Variants in GVQW3 observed in about 807,000 individuals in gnomAD.
GVQW3 encodes the protein GVQW motif containing 3, also known as protein GVQW3.
GVQW3 carries 7 observed loss-of-function variants against 12.5 expected under a neutral mutation model. The observed-to-expected ratio is 0.56, with a 90% CI of 0.32 to 1.05. The LOEUF (loss-of-function observed/expected upper bound fraction) is 1.05, where lower values mean the gene tolerates loss of function less well. Ranked by LOEUF, GVQW3 falls within the 50% of genes least tolerant of loss-of-function variation. The pLI, the probability that GVQW3 is intolerant of heterozygous loss-of-function variation, is 0.04. For synonymous variants in GVQW3, 71 were observed against 67.2 expected (o/e 1.06, Z -0.28); for missense variants, 188 against 190.8 (o/e 0.99, Z 0.09).
downstream of GVQW3, chr11:76,408,385 A>C (rs900095875): frequency 1.3e-5 from 2 of 152,174 alleles, no homozygotes; most frequent in South Asian, 4.1e-4. Flanking sequence ...AGCACTATCT[A>C]AGTGTAAGTT....
At chr11:76,391,419 G>A (rs1369585892) in intron 1 of GVQW3, among the ~76,000 whole-genome samples, 1 of 152,192 alleles carries the variant, frequency 6.6e-6, no homozygotes, top group Non-Finnish European at 1.5e-5. Flanking sequence ...GCCAAATGCT[G>A]GAGCACTGAG....
At chr11:76,408,294 T>C (rs557376462), downstream of GVQW3, among the ~76,000 whole-genome samples, 1 of 151,614 alleles carries the variant, frequency 6.6e-6, no homozygotes, top group African/African-American at 2.4e-5. Context: ...CCTGGGAGAG[T>C]TGAAGGTTAG....
chr11:76,385,880 C>T (rs893373090), intron 1 of GVQW3, among the ~76,000 whole-genome samples: 3 of 152,162 alleles, frequency 2.0e-5, no homozygotes, highest in African/African-American at 7.2e-5. Context: ...AATATGGTTA[C>T]CTCTAGTAGC....
At position 76,406,918 on chromosome 11, in the gene GVQW3, G is replaced by C. The variant is rs891945894; in HGVS notation, c.*3160G>C. On this transcript the variant is annotated 3_prime_UTR_variant, in exon 2 of 2. Transcript: ENST00000529331. The stretch of plus-strand genomic sequence containing the variant: ...AGCTATTTGGGAGGCTGAGGCAGGA[G>C]AATGGCAAGAACCTGGGAGGCGGAG... 2 of 152,252 alleles carry C rather than the reference G, an allele frequency of 1.3e-5. No individual in the cohort carries two copies. Among genetic ancestry groups the C allele is most frequent in the African/African-American group, 4.8e-5 (2 of 41,432 alleles). The allele number at this position is 152,252 out of a possible 1,614,324, so 9.4% of individuals were successfully genotyped here.
At chr11:76,410,445 T>A (rs1188293594), downstream of GVQW3, among the ~76,000 whole-genome samples, 1 of 151,926 alleles carries the variant, frequency 6.6e-6, no homozygotes, top group Non-Finnish European at 1.5e-5. Flanking sequence ...TTTTTTTTTT[T>A]ACTTCATTCT....
At chr11:76,402,400 A>T (rs1235822028) in intron 1 of GVQW3, among the ~76,000 whole-genome samples, 2 of 152,026 alleles carry the variant, frequency 1.3e-5, no homozygotes, top group Non-Finnish European at 2.9e-5. Context: ...TAAAAATACA[A>T]AAATTAGCTG....
intron 1 of GVQW3, chr11:76,382,695 G>A (rs930824650): frequency 8.6e-6 from 4 of 465,574 alleles, no homozygotes; most frequent in Non-Finnish European, 1.5e-5. Context: ...TGCTCAACAA[G>A]TTTGGATTTC....
At position 76,388,887 on chromosome 11, in the gene GVQW3, A is replaced by G. The variant is rs1051856945; in HGVS notation, c.465+6594A>G. On this transcript the variant is annotated intron_variant, in intron 1 of 1. Coordinates refer to ENST00000529331, the MANE Select transcript of GVQW3 (RefSeq NM_001347885.2). ...TAGACAGATCTATATTGGCAGAAAA[A>G]CACACTGGCAATGTTAGAAGTGTAG... 2.6e-5 allele frequency among the ~76,000 whole-genome samples: 4 copies of G among 152,282 alleles called. 1 individual carries two copies. The highest frequency in any genetic ancestry group is 2.6e-4 in the Admixed American group (4 of 15,282).
At chr11:76,386,335 T>A (rs941469538) in intron 1 of GVQW3, among the ~76,000 whole-genome samples, 1 of 152,118 alleles carries the variant, frequency 6.6e-6, no homozygotes, top group Non-Finnish European at 1.5e-5. Flanking sequence ...ATGTGGAGGG[T>A]TCTGCCATCT....
At chr11:76,391,965 C>CA (rs928557431) in intron 1 of GVQW3, among the ~76,000 whole-genome samples, 5 of 151,694 alleles carry the variant, frequency 3.3e-5, no homozygotes, top group Non-Finnish European at 5.9e-5. Flanking sequence ...AAAAAACAAA[C>CA]AAAAAAAAAT....
At chr11:76,386,243 C>T (rs1946832359) in intron 1 of GVQW3, among the ~76,000 whole-genome samples, 1 of 152,240 alleles carries the variant, frequency 6.6e-6, no homozygotes, top group Admixed American at 6.5e-5. Context: ...TCACCCCACC[C>T]TACCTTGCTT....
At chr11:76,399,023 T>A (rs1483322094) in intron 1 of GVQW3, among the ~76,000 whole-genome samples, 2 of 152,244 alleles carry the variant, frequency 1.3e-5, no homozygotes, top group Non-Finnish European at 2.9e-5. Flanking sequence ...TGATAATCTG[T>A]CCCTTGTCAC....
At chr11:76,402,829 G>A (rs912391586) in intron 1 of GVQW3, among the ~76,000 whole-genome samples, 1 of 151,936 alleles carries the variant, frequency 6.6e-6, no homozygotes, top group Non-Finnish European at 1.5e-5. Flanking sequence ...CTCCCCAGTA[G>A]TTGGGACTAC....
At chr11:76,400,945 G>A (rs1193418457) in intron 1 of GVQW3, among the ~76,000 whole-genome samples, 1 of 151,800 alleles carries the variant, frequency 6.6e-6, no homozygotes, top group Non-Finnish European at 1.5e-5. Context: ...TTTTATTTCT[G>A]GAAGTTCTAT....
chr11:76,403,881 G>C lies in GVQW3; in HGVS notation c.*123G>C. On this transcript the variant is annotated 3_prime_UTR_variant, in exon 2 of 2. Transcript: ENST00000529331. ...GAAGATGGATGTCACAGCTCAAGAA[G>C]CGAGAACAAATTTGCCCTTCTATCT... The C allele has an allele frequency of 1.4e-6, 1 of 701,028 alleles. No homozygotes were observed. The allele number at this position is 701,028 out of a possible 1,614,324, so 43.4% of individuals were successfully genotyped here.
chr11:76,396,683 A>G (rs1431145919), intron 1 of GVQW3, among the ~76,000 whole-genome samples: 2 of 152,184 alleles, frequency 1.3e-5, no homozygotes, highest in Non-Finnish European at 1.5e-5. Flanking sequence ...TTCGTTGCCT[A>G]TCTTTCTCTC....
chr11:76,384,460 T>A (rs1946811550), intron 1 of GVQW3, among the ~76,000 whole-genome samples: 1 of 152,170 alleles, frequency 6.6e-6, no homozygotes, highest in Admixed American at 6.5e-5. Flanking sequence ...GTAGCTGGGA[T>A]TACAGGTGCA....
At chr11:76,383,462 A>C (rs1385135336) in intron 1 of GVQW3, 1 of 152,312 alleles carries the variant, frequency 6.6e-6, no homozygotes, top group East Asian at 1.9e-4. Flanking sequence ...GTGGAACAGC[A>C]TGAGGCTTCC....
At position 76,382,120 on chromosome 11, in the gene GVQW3, A is replaced by C; in HGVS notation, c.292A>C (p.Asn98His). Residue 98 changes from asparagine to histidine, a missense_variant, in exon 1 of 2, where the codon AAT becomes CAT. By Grantham distance (68) the Asn-to-His change is moderately conservative. Transcript: ENST00000529331. The part of the protein sequence containing the change: ...LTVRMMAEEL[N>H]LDKETVRLIL... ...CGTGAGGATGATGGCTGAAGAGTTA[A>C]ATTTAGACAAAGAAACTGTTAGGCT... 6.5e-7 allele frequency: 1 copy of C among 1,536,502 alleles called. No homozygotes were observed. Among genetic ancestry groups the C allele is most frequent in the Non-Finnish European group, 8.7e-7 (1 of 1,146,990 alleles).
Sources: allele counts gnomAD v4.1 joint callset (sites outside exome capture counted in the v4.1 genomes callset), GRCh38; gene constraint gnomAD v4.1.1; transcripts MANE v1.5; gene names NCBI Gene and HGNC (gene_info 2026-07-23, HGNC 2026-07-21).